DDX25: variants seen among roughly 807,000 people sequenced by gnomAD.
DDX25 encodes ATP-dependent RNA helicase DDX25.
In DDX25, 70 loss-of-function variants were observed where a neutral mutation model predicts 64.6. The ratio of observed to expected loss-of-function variants is 1.08; its 90% CI spans 0.89 to 1.32. The LOEUF (loss-of-function observed/expected upper bound fraction) is 1.32. DDX25 is among the 40% of genes most tolerant of loss of function. DDX25 has a pLI of 0.00. For missense variants in DDX25, 587 were observed against 604.4 expected (o/e 0.97, Z 0.30); for synonymous variants, 211 against 213.3 (o/e 0.99, Z 0.09).
upstream of DDX25, chr11:125,903,348 G>C (rs975424980): frequency 2.2e-6 from 1 of 464,348 alleles, no homozygotes; most frequent in East Asian, 1.5e-4. Flanking sequence ...CCGTTTCTCC[G>C]CCCACAGGGC....
Position 125,927,406 on chromosome 11 carries a change from T to C in DDX25, c.*4525T>C, listed in dbSNP as rs1475171748. 6.6e-6 allele frequency: 1 copy of C among 152,240 alleles called. No individual in the cohort carries two copies. Among genetic ancestry groups the C allele is most frequent in the Non-Finnish European group, 1.5e-5 (1 of 68,038 alleles). The allele number at this position is 152,240 out of a possible 1,614,324, so 9.4% of individuals were successfully genotyped here. On this transcript the variant is annotated 3_prime_UTR_variant, in exon 12 of 12. Transcript: ENST00000263576. ...GAAGAGGGGCTCTCTCTCCCTCTTG[T>C]ATTCAGAAGAACTGAAAGTTTTCAT...
At chr11:125,905,526 G>A in intron 2 of DDX25, 27 bp from the exon 3 acceptor site, 4 of 1,548,212 alleles carry the variant, frequency 2.6e-6, no homozygotes, top group Non-Finnish European at 3.5e-6. Flanking sequence ...GTCTTTACTT[G>A]TATTGTTTCT....
At chr11:125,913,012 G>C (rs1349294413) in intron 8 of DDX25, among the ~76,000 whole-genome samples, 3 of 151,998 alleles carry the variant, frequency 2.0e-5, no homozygotes, top group East Asian at 1.9e-4. Context: ...AAAAAAATTA[G>C]CTGGGCATGG....
At position 125,908,514 on chromosome 11, in the gene DDX25, G is replaced by A; in HGVS notation, c.507+11G>A. 1.2e-6 allele frequency: 2 copies of A among 1,612,332 alleles called. No individual in the cohort carries two copies. Among genetic ancestry groups the A allele is most frequent in the Non-Finnish European group, 8.5e-7 (1 of 1,179,500 alleles). ...GAATTGTTCCCACAGGTAAGGGAAG[G>A]CTGAGAGAAGACTGGGAATGCTTGC... On this transcript the variant is annotated intron_variant, in intron 6 of 11. Coordinates refer to ENST00000263576, the MANE Select transcript of DDX25 (RefSeq NM_013264.5).
In DDX25 at chr11:125,910,351, C is replaced by G; in HGVS notation, c.508-13C>G. 3 of 1,611,882 alleles carry G rather than the reference C, an allele frequency of 1.9e-6. No individual in the cohort carries two copies. The highest frequency in any genetic ancestry group is 2.5e-6 in the Non-Finnish European group (3 of 1,178,118). ...GAACCTTTCTCCTCCCCTCTTCTCT[C>G]TCTATCCCACAGTGCCTCTGCCTAG... is the stretch of plus-strand genomic sequence containing the variant. On this transcript the variant is annotated splice_polypyrimidine_tract_variant and intron_variant, in intron 6 of 11. Transcript: ENST00000263576.
At chr11:125,906,923 G>A (rs1944896901) in intron 4 of DDX25, among the ~76,000 whole-genome samples, 1 of 151,684 alleles carries the variant, frequency 6.6e-6, no homozygotes. Flanking sequence ...TTTTCATCCT[G>A]CAGTGCTCAG....
chr11:125,923,793 C>G lies in DDX25; in HGVS notation c.*912C>G, dbSNP rs1013857588. ...TGGAGAGTCCCCCAGAAAGCCGGAG[C>G]GGATCTTGTAACCAGAGCGCCGGTA... On this transcript the variant is annotated 3_prime_UTR_variant, in exon 12 of 12. Coordinates refer to ENST00000263576, the MANE Select transcript of DDX25 (RefSeq NM_013264.5). 1.3e-5 allele frequency: 2 copies of G among 152,100 alleles called. No individual in the cohort carries two copies. The highest frequency in any genetic ancestry group is 6.5e-5 in the Admixed American group (1 of 15,276). 9.4% of individuals were successfully genotyped at this position (152,100 alleles called of 1,614,324 possible). A position where few individuals can be genotyped will look rare whatever the true frequency, so the allele number is the denominator to read the frequency against.
At chr11:125,922,634 C>T (rs898500633) in intron 11 of DDX25, 186 bp from the exon 12 acceptor site, 3 of 512,022 alleles carry the variant, frequency 5.9e-6, no homozygotes, top group Non-Finnish European at 1.0e-5. Flanking sequence ...TACATACATT[C>T]CATGGTCTGG....
intron 6 of DDX25, 139 bp downstream of exon 6, chr11:125,908,642 G>A (rs1944927712): frequency 1.1e-6 from 1 of 910,558 alleles, no homozygotes; most frequent in African/African-American, 1.6e-5. Context: ...AAATCATAGA[G>A]CATTGGGTAG....
chr11:125,919,348 G>C (rs61918839), intron 10 of DDX25, among the ~76,000 whole-genome samples: 6,800 of 152,194 alleles, frequency 0.045, 213 homozygotes, highest in East Asian at 0.14. Context: ...TGTGCGTTTA[G>C]CTTTATAAGA....
intron 4 of DDX25, among the ~76,000 whole-genome samples, chr11:125,907,571 G>A (rs933964905): frequency 2.6e-5 from 4 of 151,880 alleles, no homozygotes; most frequent in Non-Finnish European, 5.9e-5. Context: ...TCGCGCCACT[G>A]CACTCCAGCC....
chr11:125,904,170 C>T (rs1434563020), upstream of DDX25, among the ~76,000 whole-genome samples: 1 of 152,236 alleles, frequency 6.6e-6, no homozygotes, highest in African/African-American at 2.4e-5. Flanking sequence ...GGGCTCCCGC[C>T]TGGAGGGCTG....
chr11:125,928,266 T>TC lies in DDX25; in HGVS notation c.*5386dup, dbSNP rs1300743817. 1 of 152,188 alleles carries TC rather than the reference T, an allele frequency of 6.6e-6. No individual in the cohort carries two copies. Among genetic ancestry groups the TC allele is most frequent in the African/African-American group, 2.4e-5 (1 of 41,454 alleles). 9.4% of individuals were successfully genotyped at this position (152,188 alleles called of 1,614,324 possible). A position where few individuals can be genotyped will look rare whatever the true frequency, so the allele number is the denominator to read the frequency against. ...TATTATATCTTTTTATTTGAAACAT[T>TC]CAAGTTTTTTTTCATGTTACCACAC... is the stretch of plus-strand genomic sequence containing the variant. On this transcript the variant is annotated 3_prime_UTR_variant, in exon 12 of 12. Coordinates refer to ENST00000263576, the MANE Select transcript of DDX25 (RefSeq NM_013264.5).
rs763694783 is a variant in DDX25 at position 125,921,421 on chromosome 11, G to A, written c.1390+42G>A. 29 of 1,591,536 alleles carry A rather than the reference G, an allele frequency of 1.8e-5. No homozygotes were observed. The highest frequency in any genetic ancestry group is 2.4e-5 in the Non-Finnish European group (28 of 1,167,108). On this transcript the variant is annotated intron_variant, in intron 11 of 11. Transcript: ENST00000263576. The surrounding 1 kb of genome is among the most constrained non-coding windows in gnomAD (Gnocchi z 4.1). ...TCACAATATGAACTACAGACCTGCC[G>A]GTCTGACAGTGATGATGTGTGCTGG... is the stretch of plus-strand genomic sequence containing the variant.
upstream of DDX25, among the ~76,000 whole-genome samples, chr11:125,903,778 T>C (rs1264353917): frequency 2.0e-5 from 3 of 152,010 alleles, no homozygotes; most frequent in East Asian, 3.9e-4. Flanking sequence ...GGAATTTGGT[T>C]CTTTCGTCCA....
chr11:125,914,027 C>G (rs770400435), intron 8 of DDX25, among the ~76,000 whole-genome samples: 9 of 152,262 alleles, frequency 5.9e-5, no homozygotes, highest in Middle Eastern at 3.4e-3. Flanking sequence ...ATAGAGCTTC[C>G]TCTTCTTGCA....
At chr11:125,919,002 G>C (rs2134283503) in intron 10 of DDX25, among the ~76,000 whole-genome samples, 1 of 152,160 alleles carries the variant, frequency 6.6e-6, no homozygotes, top group African/African-American at 2.4e-5. Flanking sequence ...CTACTGATCA[G>C]ATTTCTGTCT....
rs900645886 is a variant in DDX25 at position 125,926,183 on chromosome 11, G to A, written c.*3302G>A. ...CTGCACTTTGCTCTCTGAACCGGGGGGCATTACTATGTTCTCACCCACATT... is the reference window on the plus strand; with the variant it reads ...CTGCACTTTGCTCTCTGAACCGGGGAGCATTACTATGTTCTCACCCACATT... On this transcript the variant is annotated 3_prime_UTR_variant, in exon 12 of 12. Coordinates refer to ENST00000263576, the MANE Select transcript of DDX25 (RefSeq NM_013264.5). 6.6e-6 allele frequency: 1 copy of A among 152,274 alleles called. No individual in the cohort carries two copies. The highest frequency in any genetic ancestry group is 1.5e-5 in the Non-Finnish European group (1 of 68,124). The allele number at this position is 152,274 out of a possible 1,614,324, so 9.4% of individuals were successfully genotyped here.
intron 1 of DDX25, chr11:125,904,879 A>G: frequency 1.8e-6 from 1 of 559,426 alleles, no homozygotes; most frequent in Non-Finnish European, 3.2e-6. Context: ...CCATTTGCCC[A>G]TTAAGCCTCA....
Sources: allele counts gnomAD v4.1 joint callset (sites outside exome capture counted in the v4.1 genomes callset), GRCh38; gene constraint gnomAD v4.1.1; non-coding constraint Gnocchi (gnomAD v3.1); transcripts MANE v1.5; gene names NCBI Gene and HGNC (gene_info 2026-07-23, HGNC 2026-07-21).